The following ETS1 variants were observed in gnomAD, a reference collection of about 807,000 sequenced individuals.
ETS1 encodes protein C-ets-1.
A neutral mutation model predicts 58.6 loss-of-function variants in ETS1; 15 were observed. That is an observed-to-expected ratio of 0.26 (90% CI 0.17 to 0.39). The LOEUF is 0.39. Among genes scored for constraint, ETS1 ranks in the 10% least tolerant of loss-of-function variants. The pLI is 1.00. For missense variants in ETS1, 417 were observed against 610.5 expected (o/e 0.68, Z 3.34); for synonymous variants, 214 against 218.2 (o/e 0.98, Z 0.17).
intron 8 of ETS1, among the ~76,000 whole-genome samples, chr11:128,470,348 G>C (rs1230500126): frequency 6.6e-6 from 1 of 152,150 alleles, no homozygotes; most frequent in East Asian, 1.9e-4. Context: ...GAAAGCCCCG[G>C]GTAGGGAGTT....
chr11:128,508,682 A>G (rs1863307709), intron 3 of ETS1, among the ~76,000 whole-genome samples: 1 of 152,232 alleles, frequency 6.6e-6, no homozygotes, highest in Non-Finnish European at 1.5e-5. Flanking sequence ...CCTGTGGCAT[A>G]AATAAATCCA....
Position 128,462,078 on chromosome 11 carries a change from T to C in ETS1, c.*283A>G, listed in dbSNP as rs143819252. The C allele has an allele frequency of 1.5e-3, 599 of 407,518 alleles. 1 individual carries two copies. The highest frequency in any genetic ancestry group is 0.011 in the African/African-American group (548 of 50,948). 25.2% of individuals were successfully genotyped at this position (407,518 alleles called of 1,614,324 possible). A position where few individuals can be genotyped will look rare whatever the true frequency, so the allele number is the denominator to read the frequency against. ...AAAAATGATTGGACACATTAGTCTC[T>C]TTCTCTGTTAAGCCAGAGCCTTCAA... On this transcript the variant is annotated 3_prime_UTR_variant, in exon 10 of 10. Coordinates refer to ENST00000392668, the MANE Select transcript of ETS1 (RefSeq NM_001143820.2).
At position 128,560,946 on chromosome 11, in the gene ETS1, T is replaced by G. The variant is rs574351711; in HGVS notation, c.70-4511A>C. On this transcript the variant is annotated intron_variant, in intron 2 of 9. Coordinates refer to ENST00000392668, the MANE Select transcript of ETS1 (RefSeq NM_001143820.2). ...TGAGTAAGATTTGCCCTGAAACATT[T>G]GATGAAGGGCCACATGAGCAAAAGA... Among the ~76,000 whole-genome samples the G allele has an allele frequency of 2.6e-5, 4 of 152,056 alleles. No individual in the cohort carries two copies. The East Asian group carries it at 5.8e-4, about 22-fold the overall frequency.
At chr11:128,544,742 G>A (rs1014479914) in intron 3 of ETS1, among the ~76,000 whole-genome samples, 2 of 152,018 alleles carry the variant, frequency 1.3e-5, no homozygotes, top group African/African-American at 2.4e-5. Flanking sequence ...TGCGAGGAGA[G>A]AAATGGTATT....
rs1262369322 is a variant in ETS1, at chr11:128,459,923, A to C, written c.*2438T>G. The C allele has an allele frequency of 2.0e-5, 3 of 152,352 alleles. No homozygotes were observed. Among genetic ancestry groups the C allele is most frequent in the Admixed American group, 2.0e-4 (3 of 15,272 alleles). The allele number at this position is 152,352 out of a possible 1,614,324, so 9.4% of individuals were successfully genotyped here. A position where few individuals can be genotyped will look rare whatever the true frequency, so the allele number is the denominator to read the frequency against. On this transcript the variant is annotated 3_prime_UTR_variant, in exon 10 of 10. Transcript: ENST00000392668. ...ATAAATTTAATAGGAACGGTGGATGATTTGAGAAAGTGATTTTATGCCTGG... is the reference window on the plus strand; with the variant it reads ...ATAAATTTAATAGGAACGGTGGATGCTTTGAGAAAGTGATTTTATGCCTGG...
In ETS1 at chr11:128,463,761, TGCACATGTC is replaced by T. The variant is rs1861962703; in HGVS notation, c.1124-143_1124-135del. ...AGGAGAAAATGAAGGCAACAGACAG[TGCACATGTC>T]GGAGGAAGTGTTATGAGCTCGAACA... On this transcript the variant is annotated intron_variant, in intron 8 of 9. Coordinates refer to ENST00000392668, the MANE Select transcript of ETS1 (RefSeq NM_001143820.2). The surrounding 1 kb of genome is among the most constrained non-coding windows in gnomAD (Gnocchi z 4.1). 1 of 627,614 alleles carries T rather than the reference TGCACATGTC, an allele frequency of 1.6e-6. No homozygotes were observed. The highest frequency in any genetic ancestry group is 2.9e-6 in the Non-Finnish European group (1 of 344,172). The allele number at this position is 627,614 out of a possible 1,614,324, so 38.9% of individuals were successfully genotyped here.
intron 1 of ETS1, among the ~76,000 whole-genome samples, chr11:128,579,520 G>A (rs112382545): frequency 0.054 from 8,146 of 152,036 alleles, 246 homozygotes; most frequent in East Asian, 0.13. Flanking sequence ...AATTAGCCAG[G>A]TGTGGTGGTA....
intron 3 of ETS1, chr11:128,528,881 A>G (rs936446926): frequency 1.3e-5 from 2 of 152,156 alleles, no homozygotes; most frequent in African/African-American, 4.8e-5. Context: ...CACAATATTC[A>G]TTTTACTTTT....
intron 3 of ETS1, among the ~76,000 whole-genome samples, chr11:128,553,506 A>G (rs1864264388): frequency 1.3e-5 from 2 of 148,664 alleles, no homozygotes; most frequent in South Asian, 4.3e-4. Flanking sequence ...ATCCACCTTT[A>G]TTTTCTGTCC....
chr11:128,482,218 G>A (rs1460036124), intron 7 of ETS1, among the ~76,000 whole-genome samples: 1 of 152,066 alleles, frequency 6.6e-6, no homozygotes, highest in East Asian at 1.9e-4. Context: ...AATGATTTAA[G>A]AAAACAGCCT....
chr11:128,550,413 G>T (rs1032834333), intron 3 of ETS1, among the ~76,000 whole-genome samples: 7 of 152,240 alleles, frequency 4.6e-5, no homozygotes, highest in Non-Finnish European at 1.0e-4. Context: ...CACTTATGGA[G>T]AATAGGGTCA....
At chr11:128,553,067 G>A (rs1864257232) in intron 3 of ETS1, among the ~76,000 whole-genome samples, 1 of 152,218 alleles carries the variant, frequency 6.6e-6, no homozygotes, top group Admixed American at 6.5e-5. Context: ...AGACATTTCA[G>A]CCGTGTCTTG....
chr11:128,579,580 G>A (rs1292027010), intron 1 of ETS1, among the ~76,000 whole-genome samples: 1 of 150,806 alleles, frequency 6.6e-6, no homozygotes, highest in African/African-American at 2.4e-5. Context: ...AGAATCGCTT[G>A]AGCCTGGGAG....
rs766794200 is a variant in ETS1, at chr11:128,556,290, C to T, written c.214+1G>A. On this transcript the variant is annotated splice_donor_variant, in intron 3 of 9. Coordinates refer to ENST00000392668, the MANE Select transcript of ETS1 (RefSeq NM_001143820.2). LOFTEE classifies it high-confidence loss of function. ...TTCCCAGCTTTTGTTTATGTTCCTACCTGAGACACAGTGTTCAAGACCAGT... is the reference window on the plus strand; with the variant it reads ...TTCCCAGCTTTTGTTTATGTTCCTATCTGAGACACAGTGTTCAAGACCAGT... The T allele has an allele frequency of 1.2e-6, 2 of 1,608,028 alleles. No homozygotes were observed. The highest frequency in any genetic ancestry group is 1.1e-5 in the South Asian group (1 of 90,012).
chr11:128,542,156 C>T (rs950314152), intron 3 of ETS1, among the ~76,000 whole-genome samples: 10 of 152,196 alleles, frequency 6.6e-5, no homozygotes, highest in African/African-American at 2.4e-4. Flanking sequence ...GTACATGTCT[C>T]ACATGGTGAA....
intron 5 of ETS1, 120 bp downstream of exon 5, chr11:128,489,170 C>T (rs1862723866): frequency 5.0e-6 from 4 of 797,204 alleles, no homozygotes; most frequent in East Asian, 2.4e-5. Context: ...TTCCCACATA[C>T]GTCCTACAGT....
At chr11:128,470,656 AC>A (rs1862163416) in intron 8 of ETS1, among the ~76,000 whole-genome samples, 1 of 152,176 alleles carries the variant, frequency 6.6e-6, no homozygotes, top group Non-Finnish European at 1.5e-5. Flanking sequence ...ATTTTTAAAA[AC>A]AATTTTCAGT....
intron 1 of ETS1, among the ~76,000 whole-genome samples, chr11:128,585,981 C>G (rs1286157583): frequency 1.3e-5 from 2 of 152,164 alleles, no homozygotes; most frequent in African/African-American, 4.8e-5. Flanking sequence ...AAGGATCCCA[C>G]CCCTCTACCA....
At chr11:128,497,738 C>G (rs1401500138) in intron 3 of ETS1, 1 of 170,078 alleles carries the variant, frequency 5.9e-6, no homozygotes, top group Non-Finnish European at 1.2e-5. Flanking sequence ...CATGCACAAG[C>G]TATTTTTAAT....
Sources: gnomAD v4.1 joint callset for allele counts (sites outside exome capture counted in the v4.1 genomes callset) on GRCh38, gnomAD v4.1.1 for gene constraint, Gnocchi (gnomAD v3.1) non-coding constraint, MANE v1.5 for transcripts, NCBI Gene and HGNC (gene_info 2026-07-23, HGNC 2026-07-21) for gene names.